Variants in HNF4G observed in about 807,000 individuals in gnomAD.
HNF4G encodes hepatocyte nuclear factor 4 gamma.
A neutral mutation model predicts 50.9 loss-of-function variants in HNF4G; 21 were observed. The observed-to-expected ratio is 0.41, with a 90% CI of 0.29 to 0.59. The LOEUF is 0.59. HNF4G is among the 20% of genes least tolerant of loss of function. HNF4G has a pLI of 0.26. For synonymous variants in HNF4G, 198 were observed against 185.6 expected (o/e 1.07, Z -0.54); for missense variants, 527 against 559.4 (o/e 0.94, Z 0.58).
At chr8:75,531,089 C>T (rs1181751740) in intron 2 of HNF4G, among the ~76,000 whole-genome samples, 1 of 151,936 alleles carries the variant, frequency 6.6e-6, no homozygotes, top group Non-Finnish European at 1.5e-5. Flanking sequence ...CCACCATGCC[C>T]GGCCTCAATG....
At chr8:75,493,850 AT>A (rs924393509) in intron 2 of HNF4G, among the ~76,000 whole-genome samples, 15 of 152,166 alleles carry the variant, frequency 9.9e-5, no homozygotes, top group Non-Finnish European at 2.1e-4. Context: ...TTCAAAAAAA[AT>A]GTTTAAAAAT....
chr8:75,458,343 C>CTGTTGGTTTA (rs148645908), intron 1 of HNF4G, among the ~76,000 whole-genome samples: 6,796 of 146,806 alleles, frequency 0.046, 221 homozygotes, highest in African/African-American at 0.08. Flanking sequence ...AAGAAGACTA[C>CTGTTGGTTTA]TGTTGGTTTA....
At chr8:75,557,445 C>T (rs906771278) in intron 6 of HNF4G, among the ~76,000 whole-genome samples, 2 of 152,094 alleles carry the variant, frequency 1.3e-5, no homozygotes, top group African/African-American at 4.8e-5. Flanking sequence ...CATGGTGAAA[C>T]CTCGTCTCTA....
chr8:75,539,882 C>G lies in HNF4G; in HGVS notation c.-81C>G, dbSNP rs1806564725. On this transcript the variant is annotated 5_prime_UTR_variant, in exon 1 of 10. Transcript: ENST00000396423. ...ACAGTTAACTTTGGATTAGCACTCA[C>G]AGATTGAAAGCAAAACACATCAAAA... The G allele has an allele frequency of 1.4e-6, 1 of 691,890 alleles. No individual in the cohort carries two copies. The highest frequency in any genetic ancestry group is 2.2e-5 in the Admixed American group (1 of 46,416). 42.9% of individuals were successfully genotyped at this position (691,890 alleles called of 1,614,324 possible). A position where few individuals can be genotyped will look rare whatever the true frequency, so the allele number is the denominator to read the frequency against.
chr8:75,443,631 GA>G (rs1292059629), intron 1 of HNF4G, among the ~76,000 whole-genome samples: 1 of 152,140 alleles, frequency 6.6e-6, no homozygotes, highest in Admixed American at 6.5e-5. Context: ...GAGTGGTGGG[GA>G]TTACAGGCAT....
intron 2 of HNF4G, among the ~76,000 whole-genome samples, chr8:75,505,814 T>C (rs1226983491): frequency 6.6e-6 from 1 of 152,130 alleles, no homozygotes; most frequent in East Asian, 1.9e-4. Flanking sequence ...AGTTACATTT[T>C]AAATATTTTG....
intron 1 of HNF4G, among the ~76,000 whole-genome samples, chr8:75,418,806 C>A (rs1278472377): frequency 6.6e-6 from 1 of 150,752 alleles, no homozygotes; most frequent in Non-Finnish European, 1.5e-5. Flanking sequence ...CAGCTCACCG[C>A]AACCTCCGCC....
chr8:75,550,311 T>TC (rs1806911415), intron 3 of HNF4G, among the ~76,000 whole-genome samples: 3 of 151,264 alleles, frequency 2.0e-5, no homozygotes, highest in South Asian at 2.1e-4. Flanking sequence ...TCTCTCTCTC[T>TC]TTTTTTTTAA....
At chr8:75,472,614 G>C (rs1483824423) in intron 1 of HNF4G, among the ~76,000 whole-genome samples, 1 of 152,156 alleles carries the variant, frequency 6.6e-6, no homozygotes, top group East Asian at 1.9e-4. Context: ...TCTCTTGAAA[G>C]ATGTTACAGT....
chr8:75,422,810 T>A (rs1810804429), intron 1 of HNF4G, among the ~76,000 whole-genome samples: 1 of 152,150 alleles, frequency 6.6e-6, no homozygotes, highest in Non-Finnish European at 1.5e-5. Flanking sequence ...ATTTTTTCTA[T>A]TTTTCACTAG....
chr8:75,526,788 A>G (rs572038446), intron 2 of HNF4G, among the ~76,000 whole-genome samples: 2 of 144,548 alleles, frequency 1.4e-5, no homozygotes, highest in South Asian at 2.2e-4. Flanking sequence ...TTTCTTTGAG[A>G]TGGAGTCTCG....
intron 1 of HNF4G, among the ~76,000 whole-genome samples, chr8:75,415,248 G>A (rs1485287981): frequency 6.6e-6 from 1 of 151,688 alleles, no homozygotes; most frequent in Non-Finnish European, 1.5e-5. Flanking sequence ...TATCAAGTTA[G>A]AAGAGTTCTA....
intron 1 of HNF4G, among the ~76,000 whole-genome samples, chr8:75,489,405 C>A (rs1027874007): frequency 6.6e-6 from 1 of 152,040 alleles, no homozygotes; most frequent in South Asian, 2.1e-4. Flanking sequence ...TGGAAGAGAC[C>A]AGAGATAAAC....
At chr8:75,523,014 C>T (rs1806086639) in intron 2 of HNF4G, among the ~76,000 whole-genome samples, 1 of 151,960 alleles carries the variant, frequency 6.6e-6, no homozygotes, top group African/African-American at 2.4e-5. Context: ...ATCACGAGGT[C>T]AGGAGATCGA....
At chr8:75,474,465 A>G (rs1161256119) in intron 1 of HNF4G, among the ~76,000 whole-genome samples, 3 of 152,196 alleles carry the variant, frequency 2.0e-5, no homozygotes, top group Non-Finnish European at 4.4e-5. Flanking sequence ...AGGAAGATTG[A>G]GTATTGTATG....
chr8:75,506,721 C>G (rs1002273709), intron 2 of HNF4G, among the ~76,000 whole-genome samples: 2 of 152,172 alleles, frequency 1.3e-5, no homozygotes, highest in Non-Finnish European at 2.9e-5. Flanking sequence ...CTAAATTCCA[C>G]TTTTCTTCTC....
At chr8:75,415,358 GA>G (rs1810607834) in intron 1 of HNF4G, among the ~76,000 whole-genome samples, 1 of 151,430 alleles carries the variant, frequency 6.6e-6, no homozygotes, top group Admixed American at 6.6e-5. Context: ...TTGATCAAGA[GA>G]AAAAGGGTAA....
intron 1 of HNF4G, among the ~76,000 whole-genome samples, chr8:75,482,669 G>T (rs1162951189): frequency 2.0e-5 from 3 of 152,000 alleles, no homozygotes; most frequent in Non-Finnish European, 4.4e-5. Context: ...CCCCCCGGCT[G>T]GTTTTTGTTT....
intron 1 of HNF4G, among the ~76,000 whole-genome samples, chr8:75,449,577 G>A (rs1218329770): frequency 6.8e-6 from 1 of 147,108 alleles, no homozygotes; most frequent in Non-Finnish European, 1.5e-5. Context: ...GGCGATCTCG[G>A]CTCACTGCAA....
Sources: allele counts gnomAD v4.1 joint callset (sites outside exome capture counted in the v4.1 genomes callset), GRCh38; gene constraint gnomAD v4.1.1; transcripts MANE v1.5; gene names NCBI Gene and HGNC (gene_info 2026-07-23, HGNC 2026-07-21).